The following ANKLE2 variants were observed in gnomAD, a reference collection of about 807,000 sequenced individuals.
ANKLE2 encodes ankyrin repeat and LEM domain containing 2, also known as ankyrin repeat and LEM domain-containing protein 2.
ANKLE2 carries 55 observed loss-of-function variants against 84.2 expected under a neutral mutation model. The observed-to-expected ratio is 0.65, with a 90% CI of 0.53 to 0.82. ANKLE2 has a LOEUF of 0.82. Among genes scored for constraint, ANKLE2 ranks in the 40% least tolerant of loss-of-function variants. ANKLE2 has a pLI of 0.00. For missense variants in ANKLE2, 1,238 were observed against 1,201.9 expected (o/e 1.03, Z -0.44); for synonymous variants, 551 against 486.1 (o/e 1.13, Z -1.76).
chr12:132,734,083 A>T, intron 10 of ANKLE2: 1 of 493,060 alleles, frequency 2.0e-6, no homozygotes. Flanking sequence ...TAAAAAAAAA[A>T]AAAATACGAA....
At position 132,759,130 on chromosome 12, in the gene ANKLE2, C is replaced by T. The variant is rs1202494423; in HGVS notation, c.181+2488G>A. 44 of 64,382 alleles carry T rather than the reference C, an allele frequency of 6.8e-4. 2 individuals are homozygous for T. Among genetic ancestry groups the T allele is most frequent in the East Asian group, 3.0e-3 (6 of 1,970 alleles). 4.0% of individuals were successfully genotyped at this position (64,382 alleles called of 1,614,324 possible). On this transcript the variant is annotated intron_variant, in intron 1 of 12. Transcript: ENST00000357997. ...GCAGAGTGGATCACGCAGAGTGGCA[C>T]CCCGGGGCACCCACGTGGCAGAGAG... is the stretch of plus-strand genomic sequence containing the variant.
Position 132,741,456 on chromosome 12 carries a change from AGATTT to A in ANKLE2, c.1378_1382del (p.Lys460CysfsTer41). On this transcript the variant is annotated frameshift_variant, in exon 7 of 13. Coordinates refer to ENST00000357997, the MANE Select transcript of ANKLE2 (RefSeq NM_015114.3). LOFTEE classifies it high-confidence loss of function. ...CTCTGATCCGCTCCTTCAGTTCCAC[AGATTT>A]ATTTTTGCTTCTTTCACAAATTACC... 6.2e-7 allele frequency: 1 copy of A among 1,614,252 alleles called. No homozygotes were observed. The highest frequency in any genetic ancestry group is 8.5e-7 in the Non-Finnish European group (1 of 1,180,052).
At chr12:132,728,343 C>G (rs1019683326) in intron 11 of ANKLE2, among the ~76,000 whole-genome samples, 180 bp from the exon 12 acceptor site, 1 of 152,160 alleles carries the variant, frequency 6.6e-6, no homozygotes, top group East Asian at 1.9e-4. Context: ...AATTCTCTGC[C>G]TCAGCCTCCC....
At chr12:132,741,516 A>G in intron 6 of ANKLE2, 31 bp from the exon 7 acceptor site, 1 of 1,591,984 alleles carries the variant, frequency 6.3e-7, no homozygotes. Flanking sequence ...TCTAAATCTT[A>G]TTTGATCGCA....
chr12:132,730,594 A>AG (rs1442275514), intron 10 of ANKLE2: 11 of 334,314 alleles, frequency 3.3e-5, no homozygotes, highest in African/African-American at 1.5e-4. Flanking sequence ...AGGCCATGGC[A>AG]GGGGGGTCGC....
At chr12:132,747,033 G>A (rs1018902630) in intron 5 of ANKLE2, among the ~76,000 whole-genome samples, 2 of 152,240 alleles carry the variant, frequency 1.3e-5, no homozygotes, top group African/African-American at 2.4e-5. Context: ...TGCCTTGCAT[G>A]GGCCTGGCCC....
intron 10 of ANKLE2, chr12:132,730,483 C>G: frequency 1.9e-6 from 1 of 540,478 alleles, no homozygotes; most frequent in Middle Eastern, 4.9e-4. Context: ...GGAAAACCAC[C>G]CACACGACTC....
chr12:132,734,386 A>G lies in ANKLE2; in HGVS notation c.1890T>C (p.Ser630=). 6.2e-7 allele frequency: 1 copy of G among 1,613,800 alleles called. No individual in the cohort carries two copies. Among genetic ancestry groups the G allele is most frequent in the Non-Finnish European group, 8.5e-7 (1 of 1,179,910 alleles). ...EASCRDKATT[S]GSNSISVRAF... ...ACAGCCACGCCTGCACATGCTTACC[A>G]GACGTGGTGGCTTTATCTCGGCAGG... The change falls in exon 10 of 13, where the codon TCT becomes TCC. Residue 630 remains serine, a splice_region_variant and synonymous_variant. Transcript: ENST00000357997.
intron 6 of ANKLE2, chr12:132,742,164 T>C: frequency 4.1e-6 from 1 of 244,878 alleles, no homozygotes; most frequent in South Asian, 4.1e-5. Flanking sequence ...CCAAATGCCA[T>C]TCTTATGTTG....
Position 132,761,639 on chromosome 12 carries a change from C to A in ANKLE2, c.160G>T (p.Ala54Ser). The change falls in exon 1 of 13, where the codon GCG becomes TCG. Residue 54 changes from alanine to serine, a missense_variant. Around this residue, in one of 3 missense-constraint regions of ANKLE2, gnomAD observed 422 missense variants for 394.5 expected, o/e 1.07. Coordinates refer to ENST00000357997, the MANE Select transcript of ANKLE2 (RefSeq NM_015114.3). Reference sequence around the variant, plus strand: ...TTACCTGAGGCGGGGGCGGCGGCCGCGCTTGGCGGAGGAACTGGGGTCCCG... The same window carrying A: ...TTACCTGAGGCGGGGGCGGCGGCCGAGCTTGGCGGAGGAACTGGGGTCCCG... Reference protein sequence around the residue: ...RSGTPVPPPSAAAAPASGEMT... With the variant: ...RSGTPVPPPSSAAAPASGEMT... 1 of 1,264,716 alleles carries A rather than the reference C, an allele frequency of 7.9e-7. No homozygotes were observed. The highest frequency in any genetic ancestry group is 9.9e-7 in the Non-Finnish European group (1 of 1,006,616). 78.3% of individuals were successfully genotyped at this position (1,264,716 alleles called of 1,614,324 possible).
rs768387020 is a variant in ANKLE2, at chr12:132,754,830, C to T, written c.485G>A (p.Gly162Asp). Residue 162 changes from glycine (G) to aspartate (D), a missense_variant, in exon 2 of 13, where the codon GGC (glycine) becomes GAC (aspartate). Coordinates refer to ENST00000357997, the MANE Select transcript of ANKLE2 (RefSeq NM_015114.3). ...AGCTTCCTCCTCTGGAGGATTCAGG[C>T]CCACACTGTAACCAAAATCTCTGTC... ...SEDRDFGYSV[G>D]LNPPEEEAVT... 3.7e-6 allele frequency: 6 copies of T among 1,614,010 alleles called. No individual in the cohort carries two copies. The Admixed American group carries it at 8.3e-5, about 22-fold the overall frequency.
chr12:132,742,644 C>T (rs2044148620), intron 6 of ANKLE2: 1 of 152,084 alleles, frequency 6.6e-6, no homozygotes, highest in African/African-American at 2.4e-5. Flanking sequence ...TAGCACAGCA[C>T]CTGGTGCACA....
chr12:132,740,754 C>T (rs925422983), intron 7 of ANKLE2, among the ~76,000 whole-genome samples: 3 of 151,706 alleles, frequency 2.0e-5, no homozygotes, highest in Non-Finnish European at 4.4e-5. Context: ...ACCTACAAAC[C>T]GCAAGGCACA....
At chr12:132,738,690 A>G (rs1325449222) in intron 7 of ANKLE2, 2 of 151,430 alleles carry the variant, frequency 1.3e-5, no homozygotes, top group African/African-American at 4.9e-5. Context: ...ACACCTGGCT[A>G]ATTTTTTGTA....
chr12:132,743,172 ATATT>A lies in ANKLE2; in HGVS notation c.1331_1334del (p.Lys444MetfsTer8). ...TACTTACATCTTCAGGTGTTTTATC[ATATT>A]TATTCCTTGAGTTTTTTACAATCAA... is the stretch of plus-strand genomic sequence containing the variant. On this transcript the variant is annotated frameshift_variant, in exon 6 of 13. Coordinates refer to ENST00000357997, the MANE Select transcript of ANKLE2 (RefSeq NM_015114.3). LOFTEE classifies it high-confidence loss of function. This position sits in a 1 kb window ranked among gnomAD's most constrained non-coding sequence, Gnocchi z 4.1. 1 of 1,607,536 alleles carries A rather than the reference ATATT, an allele frequency of 6.2e-7. No homozygotes were observed. The highest frequency in any genetic ancestry group is 8.5e-7 in the Non-Finnish European group (1 of 1,176,282).
Position 132,761,691 on chromosome 12 carries a change from G to T in ANKLE2, c.108C>A (p.Gly36=), listed in dbSNP as rs892033415. 3.0e-6 allele frequency: 4 copies of T among 1,346,162 alleles called. No homozygotes were observed. The highest frequency in any genetic ancestry group is 3.8e-6 in the Non-Finnish European group (4 of 1,041,432). The allele number at this position is 1,346,162 out of a possible 1,614,324, so 83.4% of individuals were successfully genotyped here. The change falls in exon 1 of 13, where the codon GGC becomes GGA. Residue 36 remains glycine (G), a synonymous_variant. Coordinates refer to ENST00000357997, the MANE Select transcript of ANKLE2 (RefSeq NM_015114.3). ...IAVRWLVRRL[G]PRPGGLGRSG... ...TGCGGCCCAGACCTCCCGGCCGCGG[G>T]CCCAGCCGCCGCACCAGCCACCGCA...
rs7968520 is a variant in ANKLE2 at position 132,754,873 on chromosome 12, G to C, written c.442C>G (p.Gln148Glu). ...LKPAEGNPTD[Q>E]AGFSEDRDFG... ...TCTCTGTCTTCAGAAAAACCAGCCT[G>C]ATCAGTTGGGTTCCCTTCAGCTGGC... is the stretch of plus-strand genomic sequence containing the variant. Residue 148 changes from glutamine to glutamate, a missense_variant, in exon 2 of 13, where the codon CAG becomes GAG. Around this residue, in one of 3 missense-constraint regions of ANKLE2, gnomAD observed 422 missense variants for 394.5 expected, o/e 1.07. Coordinates refer to ENST00000357997, the MANE Select transcript of ANKLE2 (RefSeq NM_015114.3). The C allele has an allele frequency of 0.069, 111,122 of 1,614,084 alleles. 5,862 individuals carry two copies. Among genetic ancestry groups the C allele is most frequent in the African/African-American group, 0.24 (17,766 of 74,946 alleles).
intron 2 of ANKLE2, among the ~76,000 whole-genome samples, chr12:132,752,905 C>G (rs1479310109): frequency 6.6e-6 from 1 of 151,828 alleles, no homozygotes; most frequent in African/African-American, 2.4e-5. Context: ...CACCTGTAAT[C>G]TCAGCACTTT....
Position 132,749,886 on chromosome 12 carries a change from CA to C in ANKLE2, c.847+756del, listed in dbSNP as rs550627737. Reference sequence around the variant, plus strand: ...GGGGAAGTAGACTGGTTTCAGGATCCAAAAAGGCGCAGGGGCTCACGCCTGT... The same window carrying C: ...GGGGAAGTAGACTGGTTTCAGGATCCAAAAGGCGCAGGGGCTCACGCCTGT... On this transcript the variant is annotated intron_variant, in intron 3 of 12. Coordinates refer to ENST00000357997, the MANE Select transcript of ANKLE2 (RefSeq NM_015114.3). Among the ~76,000 whole-genome samples, 56 of 152,160 alleles carry C rather than the reference CA, an allele frequency of 3.7e-4. No homozygotes were observed. In the South Asian group the frequency reaches 0.011, roughly 29 times the overall value.
Sources: allele counts gnomAD v4.1 joint callset (sites outside exome capture counted in the v4.1 genomes callset), GRCh38; gene constraint gnomAD v4.1.1; regional missense constraint gnomAD v4.1.1; non-coding constraint Gnocchi (gnomAD v3.1); transcripts MANE v1.5; gene names NCBI Gene and HGNC (gene_info 2026-07-23, HGNC 2026-07-21).